The following LRP6 variants were observed in gnomAD, a reference collection of about 807,000 sequenced individuals.
LRP6 encodes LDL receptor related protein 6, also known as low-density lipoprotein receptor-related protein 6.
LRP6 carries 43 observed loss-of-function variants against 184.1 expected under a neutral mutation model. The ratio of observed to expected loss-of-function variants is 0.23; its 90% CI spans 0.18 to 0.30. LRP6 has a LOEUF of 0.30. LRP6 is among the 10% of genes least tolerant of loss of function. LRP6 has a pLI of 1.00. For missense variants in LRP6, 1,571 were observed against 2,005.3 expected (o/e 0.78, Z 4.14); for synonymous variants, 719 against 684.9 (o/e 1.05, Z -0.78).
At chr12:12,237,429 C>A (rs1430598342) in intron 2 of LRP6, among the ~76,000 whole-genome samples, 1 of 151,830 alleles carries the variant, frequency 6.6e-6, no homozygotes. Flanking sequence ...TTAACACAGG[C>A]AAAAACCATC....
chr12:12,121,442 G>T (rs752578138), intron 22 of LRP6, 22 bp from the exon 23 acceptor site: 34 of 1,611,668 alleles, frequency 2.1e-5, no homozygotes, highest in Non-Finnish European at 2.8e-5. Context: ...AGAAAATAAA[G>T]AGAAGCAGTT....
chr12:12,219,870 T>C (rs1864442035), intron 2 of LRP6, among the ~76,000 whole-genome samples: 1 of 152,004 alleles, frequency 6.6e-6, no homozygotes, highest in Admixed American at 6.5e-5. Flanking sequence ...AAAAACTGAA[T>C]CAACAAAAGG....
intron 7 of LRP6, among the ~76,000 whole-genome samples, chr12:12,176,409 T>C (rs1863184360): frequency 6.6e-6 from 1 of 152,192 alleles, no homozygotes; most frequent in Non-Finnish European, 1.5e-5. Flanking sequence ...GTTATTCTAT[T>C]AAAGCAGGAG....
chr12:12,196,611 G>A lies in LRP6; in HGVS notation c.647+6592C>T, dbSNP rs569961458. Among the ~76,000 whole-genome samples the A allele has an allele frequency of 2.7e-4, 40 of 150,696 alleles. No homozygotes were observed. In the South Asian group the frequency reaches 6.9e-3, roughly 26 times the overall value. ...AGAATTTTTTTTTTTTTGGTAGAGC[G>A]TTCAAGTCTCTTTTCCTGTCTGTCT... On this transcript the variant is annotated intron_variant, in intron 3 of 22. Coordinates refer to ENST00000261349, the MANE Select transcript of LRP6 (RefSeq NM_002336.3).
intron 7 of LRP6, among the ~76,000 whole-genome samples, chr12:12,179,327 T>C (rs1863274609): frequency 6.6e-6 from 1 of 151,944 alleles, no homozygotes; most frequent in Admixed American, 6.6e-5. Context: ...TAATATATTC[T>C]ACCATCTGCC....
intron 2 of LRP6, among the ~76,000 whole-genome samples, chr12:12,228,200 C>A (rs1414601639): frequency 6.6e-6 from 1 of 151,646 alleles, no homozygotes; most frequent in South Asian, 2.1e-4. Context: ...GTGAAACCCC[C>A]GTTTCTACTA....
chr12:12,133,850 G>A (rs1297323624), intron 17 of LRP6, among the ~76,000 whole-genome samples: 2 of 99,868 alleles, frequency 2.0e-5, no homozygotes, highest in African/African-American at 3.5e-5. Context: ...TTTTTTGGGG[G>A]GGGGGGGGGG....
At position 12,148,983 on chromosome 12, in the gene LRP6, C is replaced by T. The variant is rs1297207856; in HGVS notation, c.3165G>A (p.Glu1055=). 1 of 1,613,882 alleles carries T rather than the reference C, an allele frequency of 6.2e-7. No individual in the cohort carries two copies. Among genetic ancestry groups the T allele is most frequent in the South Asian group, 1.1e-5 (1 of 91,056 alleles). The stretch of plus-strand genomic sequence containing the variant: ...CCACAACGGCTCGAGGTCTGTCCTG[C>T]TCGCCTTTCAGCACCACTCCAACTG... ...GRSVGVVLKG[E]QDRPRAVVVN... The change falls in exon 14 of 23, where the codon GAG becomes GAA. Residue 1055 remains glutamate, a synonymous_variant. Transcript: ENST00000261349.
chr12:12,144,398 C>T (rs191231447), intron 15 of LRP6, among the ~76,000 whole-genome samples: 2 of 152,222 alleles, frequency 1.3e-5, no homozygotes, highest in Non-Finnish European at 2.9e-5. Context: ...AATCCCAGAA[C>T]TTTGGGAGGC....
chr12:12,159,145 A>G lies in LRP6; in HGVS notation c.2475T>C (p.Arg825=). Reference sequence around the variant, plus strand: ...GAGGCAAGTCATCTGCTATAACTTCACGGTTGAGCCCTATTTTCAGAAAGG... The same window carrying G: ...GAGGCAAGTCATCTGCTATAACTTCGCGGTTGAGCCCTATTTTCAGAAAGG... ...IESSNMLGLN[R]EVIADDLPHP... The change falls in exon 12 of 23, where the codon CGT becomes CGC. Residue 825 remains arginine (R), a synonymous_variant. Coordinates refer to ENST00000261349, the MANE Select transcript of LRP6 (RefSeq NM_002336.3). The G allele has an allele frequency of 1.9e-6, 3 of 1,613,994 alleles. No homozygotes were observed. Among genetic ancestry groups the G allele is most frequent in the African/African-American group, 1.3e-5 (1 of 74,992 alleles).
In LRP6 at chr12:12,150,907, G is replaced by C. The variant is rs761942695; in HGVS notation, c.2923C>G (p.Leu975Val). Residue 975 changes from leucine to valine, a missense_variant, in exon 13 of 23, where the codon CTG (leucine) becomes GTG (valine). This residue lies in a region of LRP6 where 763 missense variants were observed against 859.5 expected (regional missense o/e 0.89). Transcript: ENST00000261349. ...TCAATCCAATAGAGTTGCTTGTCCA[G>C]TGGGTCATAGTCAATGGCCCGGACA... The part of the protein sequence containing the change: ...RNVRAIDYDP[L>V]DKQLYWIDSR... 1.9e-6 allele frequency: 3 copies of C among 1,614,152 alleles called. No individual in the cohort carries two copies. Among genetic ancestry groups the C allele is most frequent in the Non-Finnish European group, 2.5e-6 (3 of 1,180,010 alleles).
At chr12:12,198,783 C>T (rs1201673663) in intron 3 of LRP6, among the ~76,000 whole-genome samples, 1 of 152,062 alleles carries the variant, frequency 6.6e-6, no homozygotes, top group Non-Finnish European at 1.5e-5. Flanking sequence ...ACCCGCCTGC[C>T]TTGGCCTTCC....
At chr12:12,161,471 T>C (rs561776955) in intron 10 of LRP6, among the ~76,000 whole-genome samples, 7 of 152,294 alleles carry the variant, frequency 4.6e-5, no homozygotes, top group Non-Finnish European at 7.4e-5. Context: ...GGTTTCACCA[T>C]GTTGGCCAGG....
chr12:12,125,688 G>A (rs1437216013), intron 20 of LRP6, among the ~76,000 whole-genome samples: 1 of 152,182 alleles, frequency 6.6e-6, no homozygotes, highest in African/African-American at 2.4e-5. Flanking sequence ...TCCCCTGGTA[G>A]AAGCAGAGCT....
At chr12:12,229,895 T>C (rs1864736271) in intron 2 of LRP6, among the ~76,000 whole-genome samples, 1 of 152,230 alleles carries the variant, frequency 6.6e-6, no homozygotes, top group African/African-American at 2.4e-5. Flanking sequence ...TAAGAGAGAA[T>C]GAACATATGT....
At position 12,150,986 on chromosome 12, in the gene LRP6, C is replaced by A; in HGVS notation, c.2844G>T (p.Val948=). The A allele has an allele frequency of 6.2e-7, 1 of 1,614,160 alleles. No individual in the cohort carries two copies. The highest frequency in any genetic ancestry group is 1.3e-5 in the African/African-American group (1 of 75,038). ...FSQKSAINRM[V]IDEQQSPDII... is the part of the protein sequence containing the mutation. ...TGTCGGGGCTCTGTTGTTCATCAAT[C>A]ACCATGCGGTTGATGGCACTCTTTT... is the stretch of plus-strand genomic sequence containing the variant. Residue 948 remains valine (V), a synonymous_variant, in exon 13 of 23, where the codon GTG becomes GTT. Coordinates refer to ENST00000261349, the MANE Select transcript of LRP6 (RefSeq NM_002336.3).
At chr12:12,175,858 A>G (rs1783984987) in intron 7 of LRP6, among the ~76,000 whole-genome samples, 1 of 152,026 alleles carries the variant, frequency 6.6e-6, no homozygotes, top group East Asian at 1.9e-4. Context: ...TGGGTATATA[A>G]CAAGAAAAGC....
intron 3 of LRP6, among the ~76,000 whole-genome samples, chr12:12,189,755 C>T (rs903676916): frequency 3.3e-5 from 5 of 152,200 alleles, no homozygotes; most frequent in African/African-American, 1.2e-4. Flanking sequence ...CCCACCTTGG[C>T]CTCCTAAAAT....
intron 7 of LRP6, among the ~76,000 whole-genome samples, chr12:12,172,565 A>G (rs1863073886): frequency 6.6e-6 from 1 of 152,228 alleles, no homozygotes; most frequent in Non-Finnish European, 1.5e-5. Flanking sequence ...AAAGTTCTAG[A>G]AGAGAAACTC....
Sources: allele counts gnomAD v4.1 joint callset (sites outside exome capture counted in the v4.1 genomes callset), GRCh38; gene constraint gnomAD v4.1.1; regional missense constraint gnomAD v4.1.1; transcripts MANE v1.5; gene names NCBI Gene and HGNC (gene_info 2026-07-23, HGNC 2026-07-21).